Variants in PCDH11X observed in about 807,000 individuals in gnomAD.
PCDH11X encodes the protein protocadherin 11 X-linked, also known as protocadherin-11 X-linked.
Under a neutral mutation model 53.3 loss-of-function variants are expected in PCDH11X, and 18 were observed. The observed-to-expected ratio is 0.34, with a 90% CI of 0.23 to 0.50. The LOEUF (loss-of-function observed/expected upper bound fraction) is 0.50, where lower values mean the gene tolerates loss of function less well. PCDH11X is among the 20% of genes least tolerant of loss of function. The pLI is 0.98. For missense variants in PCDH11X, 570 were observed against 1,032.4 expected, an observed-to-expected ratio of 0.55 and a Z score of 6.14; for synonymous variants, 279 against 393.3, an observed-to-expected ratio of 0.71 and a Z score of 3.44.
chrX:92,526,877 A>G (rs1242690894), intron 10 of PCDH11X, among the ~76,000 whole-genome samples: 1 of 108,239 alleles, frequency 9.2e-6, no homozygotes, highest in Non-Finnish European at 1.9e-5. Context: ...TTTGTAAGCA[A>G]CCCAACTTTC....
chrX:91,892,844 G>T (rs1237395864), intron 6 of PCDH11X, among the ~76,000 whole-genome samples: 1 of 109,738 alleles, frequency 9.1e-6, no homozygotes, highest in African/African-American at 3.3e-5. Flanking sequence ...AGAGACTGGG[G>T]TTACACCCTG....
chrX:92,450,833 A>G (rs2148646408), intron 9 of PCDH11X, among the ~76,000 whole-genome samples: 1 of 109,930 alleles, frequency 9.1e-6, no homozygotes, highest in South Asian at 3.9e-4. Context: ...TTTTAAAACA[A>G]TATCTGACTT....
At chrX:91,839,534 G>A (rs1178405675) in intron 5 of PCDH11X, among the ~76,000 whole-genome samples, 1 of 108,234 alleles carries the variant, frequency 9.2e-6, no homozygotes, top group Non-Finnish European at 1.9e-5. Context: ...AATTCGGGAG[G>A]CAGAGGTTGC....
intron 5 of PCDH11X, among the ~76,000 whole-genome samples, chrX:91,844,410 T>C (rs1402269987): frequency 9.1e-6 from 1 of 110,343 alleles, no homozygotes; most frequent in Non-Finnish European, 1.9e-5. Flanking sequence ...TGGCCCTCCA[T>C]ATGACAGTGA....
intron 10 of PCDH11X, among the ~76,000 whole-genome samples, chrX:92,582,274 A>G (rs1446879214): frequency 2.3e-5 from 1 of 43,836 alleles, no homozygotes; most frequent in East Asian, 3.7e-4. Flanking sequence ...AAAAGCCTAG[A>G]AAAAAAAAAA....
chrX:92,528,530 T>C (rs2074500074), intron 10 of PCDH11X, among the ~76,000 whole-genome samples: 1 of 111,382 alleles, frequency 9.0e-6, no homozygotes, highest in South Asian at 3.8e-4. Flanking sequence ...CGACCTCAGG[T>C]GATCCACCTG....
At chrX:92,011,386 A>AT (rs1330701127) in intron 6 of PCDH11X, among the ~76,000 whole-genome samples, 4 of 111,988 alleles carry the variant, frequency 3.6e-5, no homozygotes, top group African/African-American at 1.3e-4. Flanking sequence ...CCAACGTGAT[A>AT]TTTTTTGACT....
At chrX:92,077,964 G>A (rs1171895739) in intron 6 of PCDH11X, among the ~76,000 whole-genome samples, 3 of 110,011 alleles carry the variant, frequency 2.7e-5, no homozygotes, top group Non-Finnish European at 5.7e-5. Flanking sequence ...TATTTTGAGT[G>A]TCTCGGTAGG....
chrX:92,279,515 G>A (rs1259036566), intron 8 of PCDH11X, among the ~76,000 whole-genome samples: 2 of 112,140 alleles, frequency 1.8e-5, no homozygotes, highest in Non-Finnish European at 3.8e-5. Flanking sequence ...TTGTAATAAA[G>A]GTGATTTCTG....
chrX:92,218,820 C>T (rs1313016115), intron 7 of PCDH11X, among the ~76,000 whole-genome samples: 1 of 111,552 alleles, frequency 9.0e-6, no homozygotes. Context: ...AAACCGAATC[C>T]AGCAGCACAT....
At chrX:91,940,011 TTCCCAGTTTTGG>T (rs2061489255) in intron 6 of PCDH11X, among the ~76,000 whole-genome samples, 1 of 111,136 alleles carries the variant, frequency 9.0e-6, no homozygotes, top group Admixed American at 9.6e-5. Flanking sequence ...TGAAATATAA[TTCCCAGTTTTGG>T]AGGTGGGCCT....
At chrX:92,591,440 A>G (rs1925022642) in intron 10 of PCDH11X, among the ~76,000 whole-genome samples, 1 of 110,339 alleles carries the variant, frequency 9.1e-6, no homozygotes. Context: ...TGCACTATGA[A>G]TTAGTCTTTC....
At chrX:92,214,297 A>G (rs763531782) in intron 7 of PCDH11X, among the ~76,000 whole-genome samples, 11 of 111,864 alleles carry the variant, frequency 9.8e-5, no homozygotes, top group South Asian at 3.8e-4. Flanking sequence ...TAACTTTAGG[A>G]CGCCAAAAGT....
intron 10 of PCDH11X, among the ~76,000 whole-genome samples, chrX:92,488,362 A>C (rs2073688362): frequency 9.0e-6 from 1 of 111,222 alleles, no homozygotes; most frequent in Non-Finnish European, 1.9e-5. Context: ...GTGTTTCTGT[A>C]GTTCCTTCAA....
chrX:92,024,684 A>G (rs1420829232), intron 6 of PCDH11X, among the ~76,000 whole-genome samples: 1 of 100,290 alleles, frequency 1.0e-5, no homozygotes, highest in Non-Finnish European at 2.0e-5. Context: ...ATATGGAACC[A>G]AAAAAGAGCC....
intron 8 of PCDH11X, among the ~76,000 whole-genome samples, chrX:92,329,652 G>A (rs769707300): frequency 4.5e-5 from 5 of 111,491 alleles, no homozygotes; most frequent in African/African-American, 1.6e-4. Flanking sequence ...GCCAGAAAAA[G>A]GAATGAGATC....
At chrX:92,435,544 T>A (rs1379457444) in intron 9 of PCDH11X, among the ~76,000 whole-genome samples, 2 of 111,231 alleles carry the variant, frequency 1.8e-5, no homozygotes, top group African/African-American at 6.5e-5. Flanking sequence ...AAGGGGCAGA[T>A]CATCTACAAA....
chrX:92,385,381 G>T (rs183567522), intron 8 of PCDH11X, among the ~76,000 whole-genome samples: 1 of 104,022 alleles, frequency 9.6e-6, no homozygotes, highest in Non-Finnish European at 2.0e-5. Context: ...AACAGAAAAA[G>T]GGATATTGAC....
rs184811362 is a variant in PCDH11X at position 92,389,329 on chromosome X, G to A, written c.3343+1396G>A. Among the ~76,000 whole-genome samples, 50 of 111,575 alleles carry A rather than the reference G, an allele frequency of 4.5e-4. 1 individual carries two copies. The highest frequency in any genetic ancestry group is 1.1e-3 in the African/African-American group (35 of 30,830). ...TGAACTAAGAGCTAATCTCTAATAA[G>A]AATATGATCATAAGTAACAAATACA... On this transcript the variant is annotated intron_variant, in intron 9 of 10. Transcript: ENST00000682573.
Sources: allele counts gnomAD v4.1 joint callset (sites outside exome capture counted in the v4.1 genomes callset), GRCh38; gene constraint gnomAD v4.1.1; transcripts MANE v1.5; gene names NCBI Gene and HGNC (gene_info 2026-07-23, HGNC 2026-07-21).